The following TBC1D22A variants were observed in gnomAD, a reference collection of about 807,000 sequenced individuals.
TBC1D22A encodes the protein putative GTPase activator.
Under a neutral mutation model 60.2 loss-of-function variants are expected in TBC1D22A, and 38 were observed. That is an observed-to-expected ratio of 0.63 (90% CI 0.49 to 0.83). The LOEUF (loss-of-function observed/expected upper bound fraction) is 0.83, where lower values mean the gene tolerates loss of function less well. Among genes scored for constraint, TBC1D22A ranks in the 40% least tolerant of loss-of-function variants. TBC1D22A has a pLI of 0.00. For missense variants in TBC1D22A, 628 were observed against 701.0 expected (o/e 0.90, Z 1.18); for synonymous variants, 302 against 281.7 (o/e 1.07, Z -0.72).
chr22:46,840,765 A>G (rs968727344), intron 4 of TBC1D22A, among the ~76,000 whole-genome samples: 1 of 152,046 alleles, frequency 6.6e-6, no homozygotes, highest in African/African-American at 2.4e-5. Flanking sequence ...GATAACAAGC[A>G]TTCGTGAGAA....
intron 11 of TBC1D22A, among the ~76,000 whole-genome samples, chr22:47,047,782 C>G (rs1053114863): frequency 6.6e-6 from 1 of 152,252 alleles, no homozygotes; most frequent in African/African-American, 2.4e-5. Flanking sequence ...TGTCGGGTGC[C>G]CTGGCAAGGC....
chr22:46,790,183 T>A (rs2084345831), intron 1 of TBC1D22A, among the ~76,000 whole-genome samples: 1 of 152,188 alleles, frequency 6.6e-6, no homozygotes, highest in Non-Finnish European at 1.5e-5. Flanking sequence ...GGGGAGAGCG[T>A]TTTCCCTGCT....
At chr22:47,107,005 G>A (rs577260299) in intron 11 of TBC1D22A, among the ~76,000 whole-genome samples, 1 of 152,120 alleles carries the variant, frequency 6.6e-6, no homozygotes, top group Non-Finnish European at 1.5e-5. Flanking sequence ...ACATAGCTAG[G>A]GAAGATTAGG....
chr22:46,878,027 A>C (rs181075396), intron 4 of TBC1D22A, among the ~76,000 whole-genome samples: 1 of 152,076 alleles, frequency 6.6e-6, no homozygotes, highest in Non-Finnish European at 1.5e-5. Context: ...ATTTTTTTCT[A>C]CTTGTAGGTA....
chr22:47,079,084 C>CAT (rs1556117651), intron 11 of TBC1D22A, among the ~76,000 whole-genome samples: 2,079 of 124,912 alleles, frequency 0.017, 25 homozygotes, highest in Middle Eastern at 0.074. Flanking sequence ...GTAGAGCAGA[C>CAT]TTTTTTTTTT....
intron 10 of TBC1D22A, among the ~76,000 whole-genome samples, chr22:47,016,208 G>A (rs972806926): frequency 6.6e-6 from 1 of 152,114 alleles, no homozygotes; most frequent in Admixed American, 6.5e-5. Context: ...CTTTGTTTCA[G>A]CCCTGGGAAC....
chr22:46,839,468 A>G (rs2086658823), intron 4 of TBC1D22A, among the ~76,000 whole-genome samples: 1 of 152,196 alleles, frequency 6.6e-6, no homozygotes, highest in Non-Finnish European at 1.5e-5. Flanking sequence ...AAATGGAAAT[A>G]TATCCCATGT....
intron 8 of TBC1D22A, among the ~76,000 whole-genome samples, chr22:46,945,915 C>T (rs1221903901): frequency 6.6e-6 from 1 of 152,172 alleles, no homozygotes; most frequent in Non-Finnish European, 1.5e-5. Context: ...TTAGAACTTA[C>T]TTTTCTACTC....
chr22:46,900,346 T>G (rs941931582), intron 7 of TBC1D22A, among the ~76,000 whole-genome samples: 1 of 152,102 alleles, frequency 6.6e-6, no homozygotes, highest in African/African-American at 2.4e-5. Context: ...GAGATGGGGT[T>G]TCACCATCTT....
chr22:46,900,507 CG>C (rs1469354839), intron 7 of TBC1D22A, among the ~76,000 whole-genome samples: 24 of 152,120 alleles, frequency 1.6e-4, no homozygotes, highest in African/African-American at 5.8e-4. Flanking sequence ...AGAACATTTC[CG>C]TCACTCTGCG....
intron 11 of TBC1D22A, among the ~76,000 whole-genome samples, chr22:47,076,341 GTATA>G (rs201031048): frequency 8.6e-6 from 1 of 116,146 alleles, no homozygotes; most frequent in Non-Finnish European, 1.8e-5. Flanking sequence ...GTGTGTGTGT[GTATA>G]TATATATATG....
In TBC1D22A at chr22:46,768,823, C is replaced by T. The variant is rs143736674; in HGVS notation, c.62+5975C>T. 3.8e-3 allele frequency among the ~76,000 whole-genome samples: 584 copies of T among 152,128 alleles called. 2 individuals carry two copies. Among genetic ancestry groups the T allele is most frequent in the African/African-American group, 0.013 (551 of 41,518 alleles). ...AGTGGCATGGTGGTGGCTGGGCGCTCTGGCTCATGCCTGTCATCTCAGCAC... is the reference window on the plus strand; with the variant it reads ...AGTGGCATGGTGGTGGCTGGGCGCTTTGGCTCATGCCTGTCATCTCAGCAC... On this transcript the variant is annotated intron_variant, in intron 1 of 12. Transcript: ENST00000337137.
rs187074968 is a variant in TBC1D22A, at chr22:46,892,520, C to T, written c.837+1126C>T. On this transcript the variant is annotated intron_variant, in intron 6 of 12. Transcript: ENST00000337137. ...TGTTGCCTTCTGTCTCTCATCAGGG[C>T]CCCTGGACCGCACTGGACCGCCACC... 3.9e-3 allele frequency among the ~76,000 whole-genome samples: 587 copies of T among 152,240 alleles called. 5 individuals carry two copies. The highest frequency in any genetic ancestry group is 0.01 in the Middle Eastern group (3 of 294).
In TBC1D22A at chr22:46,995,483, T is replaced by A. The variant is rs745464298; in HGVS notation, c.1126-2151T>A. ...CCATGCCTGCTCTTGTTAGGAGATG[T>A]CATGTGTGCTCTGCGTGTGTGCACG... On this transcript the variant is annotated intron_variant, in intron 9 of 12. Coordinates refer to ENST00000337137, the MANE Select transcript of TBC1D22A (RefSeq NM_014346.5). Among the ~76,000 whole-genome samples, 104 of 152,056 alleles carry A rather than the reference T, an allele frequency of 6.8e-4. 1 individual carries two copies. The highest frequency in any genetic ancestry group is 2.0e-4 in the Admixed American group (3 of 15,276).
intron 12 of TBC1D22A, among the ~76,000 whole-genome samples, chr22:47,162,182 T>C (rs2068007635): frequency 6.6e-6 from 1 of 150,918 alleles, no homozygotes; most frequent in Non-Finnish European, 1.5e-5. Flanking sequence ...AGCTACCGGG[T>C]GTTAGTTTTC....
At chr22:46,871,235 A>G (rs1205391195) in intron 4 of TBC1D22A, among the ~76,000 whole-genome samples, 1 of 152,224 alleles carries the variant, frequency 6.6e-6, no homozygotes, top group African/African-American at 2.4e-5. Context: ...GACAGCAATA[A>G]AGAGAGAAAT....
At chr22:47,100,264 C>T (rs912849543) in intron 11 of TBC1D22A, among the ~76,000 whole-genome samples, 1 of 151,246 alleles carries the variant, frequency 6.6e-6, no homozygotes, top group Non-Finnish European at 1.5e-5. Flanking sequence ...AGGGTGAGGC[C>T]TCAGGGCACA....
chr22:47,151,969 G>A (rs936370956), intron 12 of TBC1D22A, among the ~76,000 whole-genome samples: 4 of 152,202 alleles, frequency 2.6e-5, no homozygotes, highest in South Asian at 2.1e-4. Context: ...GCAGAGGGCC[G>A]TGTGCATAGG....
At chr22:47,010,970 A>G (rs1458786196) in intron 10 of TBC1D22A, among the ~76,000 whole-genome samples, 1 of 152,192 alleles carries the variant, frequency 6.6e-6, no homozygotes, top group East Asian at 1.9e-4. Context: ...AATAGCAGCT[A>G]GCATTGATTC....
Sources: gnomAD v4.1 joint callset for allele counts (sites outside exome capture counted in the v4.1 genomes callset) on GRCh38, gnomAD v4.1.1 for gene constraint, MANE v1.5 for transcripts, NCBI Gene and HGNC (gene_info 2026-07-23, HGNC 2026-07-21) for gene names.